The following TMEM94 variants were observed in gnomAD, a reference collection of about 807,000 sequenced individuals.
TMEM94 encodes transmembrane protein 94, also known as ER Mg2+ ATPase.
In TMEM94, 81 loss-of-function variants were observed where a neutral mutation model predicts 158.6. That is an observed-to-expected ratio of 0.51 (90% CI 0.43 to 0.61). TMEM94 has a LOEUF of 0.61. Ranked by LOEUF, TMEM94 falls within the 20% of genes least tolerant of loss-of-function variation. The pLI, the probability that TMEM94 is intolerant of heterozygous loss-of-function variation, is 0.00. For synonymous variants in TMEM94, 751 were observed against 730.7 expected (o/e 1.03, Z -0.45); for missense variants, 1,435 against 1,762.0 (o/e 0.81, Z 3.32).
intron 2 of TMEM94, among the ~76,000 whole-genome samples, chr17:75,482,948 T>TA (rs1297041697): frequency 1.3e-5 from 2 of 152,146 alleles, no homozygotes; most frequent in African/African-American, 4.8e-5. Context: ...TACAGTTCTG[T>TA]AAGGTGCAGG....
intron 24 of TMEM94, 82 bp from the exon 25 acceptor site, chr17:75,496,648 C>A: frequency 6.8e-7 from 1 of 1,479,194 alleles, no homozygotes; most frequent in Non-Finnish European, 9.4e-7. Flanking sequence ...GGGCGTCTGG[C>A]TCTTGGCTAA....
In TMEM94 at chr17:75,492,161, C is replaced by T; in HGVS notation, c.1596+261C>T. ...CCTTCCAAATATACACAGCCCGGAG[C>T]TCCCTCTTAGAGATGTTCCCTGGCC... On this transcript the variant is annotated intron_variant, in intron 14 of 31. Transcript: ENST00000314256. The surrounding 1 kb of genome is among the most constrained non-coding windows in gnomAD (Gnocchi z 4.4). 9.8e-7 allele frequency: 1 copy of T among 1,017,724 alleles called. No individual in the cohort carries two copies. Among genetic ancestry groups the T allele is most frequent in the Non-Finnish European group, 1.4e-6 (1 of 720,878 alleles). 63.0% of individuals were successfully genotyped at this position (1,017,724 alleles called of 1,614,324 possible).
Position 75,491,405 on chromosome 17 carries a change from C to CATG in TMEM94, c.1338_1340dup (p.His446_Glu447insAsp). On this transcript the variant is annotated inframe_insertion, in exon 13 of 32. Coordinates refer to ENST00000314256, the MANE Select transcript of TMEM94 (RefSeq NM_014738.6). This position sits in a 1 kb window ranked among gnomAD's most constrained non-coding sequence, Gnocchi z 5.1. ...GAAGGTGGAGCCCCCTCACAGCAGC[C>CATG]ATGAGGACCTCACCGATGGCCTATC... 1 of 1,614,166 alleles carries CATG rather than the reference C, an allele frequency of 6.2e-7. No individual in the cohort carries two copies. The highest frequency in any genetic ancestry group is 8.5e-7 in the Non-Finnish European group (1 of 1,180,034).
intron 2 of TMEM94, among the ~76,000 whole-genome samples, chr17:75,479,488 T>G (rs570494092): frequency 3.9e-5 from 6 of 152,126 alleles, no homozygotes; most frequent in Non-Finnish European, 7.4e-5. Flanking sequence ...CCCAGCTAAT[T>G]TTTGTATTTT....
rs1027408703 is a variant in TMEM94 at position 75,498,846 on chromosome 17, G to A, written c.3828-66G>A. On this transcript the variant is annotated intron_variant, in intron 30 of 31. Transcript: ENST00000314256. This position sits in a 1 kb window ranked among gnomAD's most constrained non-coding sequence, Gnocchi z 6.7. ...CTGTACCCTGCCTGAGCTAACTGTT[G>A]TACTGGGAAGAGCAGGGAAGGAAGC... is the stretch of plus-strand genomic sequence containing the variant. 1.3e-6 allele frequency: 2 copies of A among 1,524,296 alleles called. No individual in the cohort carries two copies. The highest frequency in any genetic ancestry group is 2.3e-5 in the East Asian group (1 of 44,032). 94.4% of individuals were successfully genotyped at this position (1,524,296 alleles called of 1,614,324 possible).
In TMEM94 at chr17:75,496,804, C is replaced by A; in HGVS notation, c.3318C>A (p.Ile1106=). 6.2e-7 allele frequency: 1 copy of A among 1,613,592 alleles called. No individual in the cohort carries two copies. The highest frequency in any genetic ancestry group is 1.1e-5 in the South Asian group (1 of 91,088). ...LLQCQLTLVV[I]QFLSCLVQLP... is the part of the protein sequence containing the mutation. ...AGTGCCAGCTGACTCTTGTGGTCAT[C>A]CAGGTGAGGTGGGGCCCGCACAGGC... is the stretch of plus-strand genomic sequence containing the variant. Residue 1106 remains isoleucine, a synonymous_variant, in exon 25 of 32, where the codon ATC becomes ATA. Coordinates refer to ENST00000314256, the MANE Select transcript of TMEM94 (RefSeq NM_014738.6).
At chr17:75,469,298 T>G (rs1469009413) in intron 1 of TMEM94, among the ~76,000 whole-genome samples, 2 of 151,804 alleles carry the variant, frequency 1.3e-5, no homozygotes, top group African/African-American at 4.8e-5. Flanking sequence ...ATTATCCAAC[T>G]TACATATCTA....
At chr17:75,467,273 C>A (rs997167847) in intron 1 of TMEM94, among the ~76,000 whole-genome samples, 2 of 151,732 alleles carry the variant, frequency 1.3e-5, no homozygotes, top group African/African-American at 4.8e-5. Flanking sequence ...CCGTACCCAG[C>A]CATGCTGTTT....
intron 1 of TMEM94, among the ~76,000 whole-genome samples, chr17:75,464,676 C>CTTTCTTTCT (rs2050236400): frequency 5.0e-5 from 3 of 59,944 alleles, no homozygotes; most frequent in Admixed American, 1.7e-4. Context: ...TCCTTCCTTC[C>CTTTCTTTCT]TTCTTTCTTT....
intron 1 of TMEM94, among the ~76,000 whole-genome samples, chr17:75,463,038 ATATATATATATATAT>A (rs1392635909): frequency 5.6e-4 from 1 of 1,776 alleles, no homozygotes; most frequent in Non-Finnish European, 9.2e-4. Flanking sequence ...AAAAAAAAAA[ATATATATATATATAT>A]ATATATATAT....
At chr17:75,494,504 TG>T in intron 18 of TMEM94, 122 bp from the exon 19 acceptor site, 1 of 883,960 alleles carries the variant, frequency 1.1e-6, no homozygotes, top group Non-Finnish European at 1.7e-6. Flanking sequence ...TCGTGTGTCT[TG>T]GCTGTGTGTG....
chr17:75,474,929 A>T (rs2050623979), intron 2 of TMEM94, among the ~76,000 whole-genome samples: 1 of 151,640 alleles, frequency 6.6e-6, no homozygotes, highest in Non-Finnish European at 1.5e-5. Context: ...TCCCTTCTCC[A>T]TTTGCTGAGG....
At position 75,493,542 on chromosome 17, in the gene TMEM94, G is replaced by T; in HGVS notation, c.2138G>T (p.Cys713Phe). Residue 713 changes from cysteine to phenylalanine, a missense_variant, in exon 17 of 32, where the codon TGC becomes TTC. Transcript: ENST00000314256. ...HGTADVVLEACTDFWDGADIY... is the reference protein window; with the variant it reads ...HGTADVVLEAFTDFWDGADIY... ...ACCGCTGATGTGGTCTTAGAGGCCT[G>T]CACAGACTTCTGGGACGGAGCTGAC... The T allele has an allele frequency of 1.9e-6, 3 of 1,614,068 alleles. No individual in the cohort carries two copies. Among genetic ancestry groups the T allele is most frequent in the Non-Finnish European group, 2.5e-6 (3 of 1,180,018 alleles).
chr17:75,478,597 C>T (rs1203358873), intron 2 of TMEM94, among the ~76,000 whole-genome samples: 1 of 152,168 alleles, frequency 6.6e-6, no homozygotes, highest in Non-Finnish European at 1.5e-5. Flanking sequence ...TGCTCTTCCT[C>T]CAAATCCCCA....
intron 2 of TMEM94, among the ~76,000 whole-genome samples, chr17:75,483,405 G>A (rs2051328971): frequency 6.6e-6 from 1 of 151,998 alleles, no homozygotes; most frequent in Admixed American, 6.6e-5. Context: ...CAGTCACTGT[G>A]AGAGGAAAGG....
chr17:75,487,724 T>C lies in TMEM94; in HGVS notation c.410-208T>C, dbSNP rs1051564992. 1.3e-5 allele frequency among the ~76,000 whole-genome samples: 2 copies of C among 151,940 alleles called. No homozygotes were observed. The highest frequency in any genetic ancestry group is 4.8e-5 in the African/African-American group (2 of 41,352). On this transcript the variant is annotated intron_variant, in intron 5 of 31. Transcript: ENST00000314256. The surrounding 1 kb of genome is among the most constrained non-coding windows in gnomAD (Gnocchi z 4.6). Reference sequence around the variant, plus strand: ...GAGAGCTCCAGGTGTTGAGAGGAGGTAGAGGCTCTGGGGCTGGAGTGGCCG... The same window carrying C: ...GAGAGCTCCAGGTGTTGAGAGGAGGCAGAGGCTCTGGGGCTGGAGTGGCCG...
At position 75,494,954 on chromosome 17, in the gene TMEM94, C is replaced by T; in HGVS notation, c.2648C>T (p.Pro883Leu). The T allele has an allele frequency of 6.2e-7, 1 of 1,613,512 alleles. No individual in the cohort carries two copies. Among genetic ancestry groups the T allele is most frequent in the Non-Finnish European group, 8.5e-7 (1 of 1,180,034 alleles). The part of the protein sequence containing the change: ...TGWNCHISLT[P>L]NGDMPGSEIP... ...TGGAACTGCCACATCTCCCTCACACCCAATGGTGACATGCCTGGCTCCGAG... is the reference window on the plus strand; with the variant it reads ...TGGAACTGCCACATCTCCCTCACACTCAATGGTGACATGCCTGGCTCCGAG... Residue 883 changes from proline (P) to leucine (L), a missense_variant, in exon 20 of 32, where the codon CCC becomes CTC. Physicochemically the swap from Pro to Leu is moderately conservative, Grantham distance 98. Transcript: ENST00000314256.
chr17:75,476,428 C>G (rs2050693922), intron 2 of TMEM94: 3 of 1,095,250 alleles, frequency 2.7e-6, no homozygotes, highest in South Asian at 4.0e-5. Context: ...CTTCTCCCCT[C>G]CCTCCCGCCC....
intron 2 of TMEM94, among the ~76,000 whole-genome samples, chr17:75,482,557 TA>T (rs2051262237): frequency 6.6e-6 from 1 of 151,772 alleles, no homozygotes; most frequent in Middle Eastern, 3.2e-3. Flanking sequence ...TGTATGTATG[TA>T]TGTATGTATG....
Sources: gnomAD v4.1 joint callset for allele counts (sites outside exome capture counted in the v4.1 genomes callset) on GRCh38, gnomAD v4.1.1 for gene constraint, Gnocchi (gnomAD v3.1) non-coding constraint, MANE v1.5 for transcripts, NCBI Gene and HGNC (gene_info 2026-07-23, HGNC 2026-07-21) for gene names.